CFAP54: variants seen among roughly 807,000 people sequenced by gnomAD.
CFAP54 encodes the protein cilia- and flagella-associated protein 54.
CFAP54 carries 290 observed loss-of-function variants against 370.4 expected under a neutral mutation model. That is an observed-to-expected ratio of 0.78 (90% CI 0.71 to 0.86). CFAP54 has a LOEUF of 0.86. CFAP54 is among the 40% of genes least tolerant of loss of function. The pLI, the probability that CFAP54 is intolerant of heterozygous loss-of-function variation, is 0.00. For missense variants in CFAP54, 3,399 were observed against 3,528.7 expected, an observed-to-expected ratio of 0.96 and a Z score of 0.93; for synonymous variants, 1,206 against 1,236.5, an observed-to-expected ratio of 0.98 and a Z score of 0.52.
rs1292522733 is a variant in CFAP54, at chr12:96,753,942, T to C, written c.7840+44T>C. Reference sequence around the variant, plus strand: ...CAGAACTATGATAAAATTTATGGAATTCTTTTTTCTGTCAACAACAGGATT... The same window carrying C: ...CAGAACTATGATAAAATTTATGGAACTCTTTTTTCTGTCAACAACAGGATT... On this transcript the variant is annotated intron_variant, in intron 56 of 67. Transcript: ENST00000524981. The C allele has an allele frequency of 3.2e-6, 5 of 1,578,480 alleles. No homozygotes were observed. In the Admixed American group the frequency reaches 5.3e-5, roughly 17 times the overall value.
At chr12:96,644,042 A>T (rs1956763091) in intron 32 of CFAP54, 136 bp from the exon 33 acceptor site, 9 of 660,836 alleles carry the variant, frequency 1.4e-5, no homozygotes, top group Non-Finnish European at 2.3e-5. Flanking sequence ...TGCAGAAATG[A>T]TAAATAAGCC....
chr12:96,494,656 G>A (rs917899197), intron 1 of CFAP54, among the ~76,000 whole-genome samples: 5 of 152,110 alleles, frequency 3.3e-5, no homozygotes, highest in Admixed American at 1.3e-4. Context: ...AACAAGAATA[G>A]CAGTGTAGAG....
intron 25 of CFAP54, among the ~76,000 whole-genome samples, chr12:96,598,414 T>A (rs1592872085): frequency 6.6e-6 from 1 of 152,062 alleles, no homozygotes; most frequent in East Asian, 1.9e-4. Context: ...TGTTTTATTT[T>A]ATTCTTTCCA....
intron 19 of CFAP54, among the ~76,000 whole-genome samples, chr12:96,576,357 A>G (rs1592859266): frequency 6.6e-6 from 1 of 151,750 alleles, no homozygotes; most frequent in East Asian, 1.9e-4. Context: ...CATATAAGAT[A>G]CACAAATATA....
At chr12:96,716,312 AT>A (rs1957678134) in intron 48 of CFAP54, among the ~76,000 whole-genome samples, 1 of 152,166 alleles carries the variant, frequency 6.6e-6, no homozygotes, top group Non-Finnish European at 1.5e-5. Context: ...GTTTCTCTTA[AT>A]TCTTTTAGAT....
chr12:96,644,477 A>C, intron 33 of CFAP54, 69 bp downstream of exon 33: 1 of 1,105,222 alleles, frequency 9.0e-7, no homozygotes, highest in South Asian at 1.4e-5. Flanking sequence ...GTATGTTCAG[A>C]GCTCCAATGG....
At chr12:96,635,816 G>A (rs776907045) in intron 32 of CFAP54, among the ~76,000 whole-genome samples, 24 of 152,138 alleles carry the variant, frequency 1.6e-4, no homozygotes, top group Admixed American at 7.2e-4. Context: ...ATGAATAGCC[G>A]CATCAGAAGG....
At position 96,594,396 on chromosome 12, in the gene CFAP54, C is replaced by A; in HGVS notation, c.3466C>A (p.Leu1156Ile). ...ALQAVTQCYG[L>I]LAPIIYHNIV... is the part of the protein sequence containing the mutation. ...TCAAGCTGTGACTCAATGTTATGGA[C>A]TTCTTGCTCCCATAATTTATCACAA... Residue 1156 changes from leucine (L) to isoleucine (I), a missense_variant, in exon 25 of 68, where the codon CTT becomes ATT. Coordinates refer to ENST00000524981, the MANE Select transcript of CFAP54 (RefSeq NM_001306084.2). 6.5e-7 allele frequency: 1 copy of A among 1,534,020 alleles called. No individual in the cohort carries two copies. The highest frequency in any genetic ancestry group is 8.7e-7 in the Non-Finnish European group (1 of 1,145,384).
At chr12:96,635,890 G>A (rs1438302878) in intron 32 of CFAP54, among the ~76,000 whole-genome samples, 1 of 152,110 alleles carries the variant, frequency 6.6e-6, no homozygotes, top group Non-Finnish European at 1.5e-5. Flanking sequence ...TGTGGAGTTG[G>A]GAGCACCACC....
chr12:96,551,156 A>T (rs1023134015), intron 15 of CFAP54, among the ~76,000 whole-genome samples: 14 of 137,676 alleles, frequency 1.0e-4, no homozygotes, highest in African/African-American at 3.9e-4. Context: ...CTGTAGTCCT[A>T]GCTACTTGGG....
At chr12:96,838,089 G>A (rs1455005342) in intron 66 of CFAP54, among the ~76,000 whole-genome samples, 2 of 152,186 alleles carry the variant, frequency 1.3e-5, no homozygotes, top group East Asian at 3.8e-4. Context: ...GAAAGTAATA[G>A]AATATCCTTA....
intron 22 of CFAP54, among the ~76,000 whole-genome samples, chr12:96,587,711 A>G (rs561786894): frequency 2.6e-5 from 4 of 152,366 alleles, no homozygotes; most frequent in South Asian, 2.1e-4. Flanking sequence ...ACAGTTAATT[A>G]TAGTTTCACC....
At position 96,658,297 on chromosome 12, in the gene CFAP54, A is replaced by G. The variant is rs763996153; in HGVS notation, c.5411A>G (p.Asp1804Gly). The change falls in exon 38 of 68, where the codon GAT becomes GGT. Residue 1804 changes from aspartate to glycine, a missense_variant. Physicochemically the swap from Asp to Gly is moderately conservative, Grantham distance 94. Transcript: ENST00000524981. ...LLRIQKFKGP[D>G]ITQQPCARYE... ...AGAATACAGAAGTTCAAGGGCCCAG[A>G]TATTACCCAACAACCTTGTGCAAGG... is the stretch of plus-strand genomic sequence containing the variant. The G allele has an allele frequency of 1.2e-6, 2 of 1,614,080 alleles. No homozygotes were observed. Among genetic ancestry groups the G allele is most frequent in the Non-Finnish European group, 1.7e-6 (2 of 1,180,028 alleles).
At chr12:96,773,390 A>G (rs1298995325) in intron 60 of CFAP54, among the ~76,000 whole-genome samples, 2 of 152,222 alleles carry the variant, frequency 1.3e-5, no homozygotes, top group Non-Finnish European at 2.9e-5. Context: ...ACCCAGTTCC[A>G]CCTCCAAGTC....
At chr12:96,527,058 G>C (rs904447897) in intron 8 of CFAP54, among the ~76,000 whole-genome samples, 188 bp from the exon 9 acceptor site, 23 of 151,814 alleles carry the variant, frequency 1.5e-4, no homozygotes, top group African/African-American at 5.3e-4. Flanking sequence ...AACATGCCTG[G>C]CCAATTCTGA....
chr12:96,591,723 A>G (rs1045425606), intron 23 of CFAP54, among the ~76,000 whole-genome samples: 1 of 151,968 alleles, frequency 6.6e-6, no homozygotes, highest in African/African-American at 2.4e-5. Context: ...CCCCGTCTCT[A>G]CTAAAAATAC....
chr12:96,840,481 T>C (rs1377430934), intron 66 of CFAP54, among the ~76,000 whole-genome samples: 9 of 152,258 alleles, frequency 5.9e-5, no homozygotes, highest in African/African-American at 1.9e-4. Flanking sequence ...ATGGTAGTAA[T>C]GACAGTACTC....
At chr12:96,790,959 A>G (rs530354898) in intron 62 of CFAP54, among the ~76,000 whole-genome samples, 1 of 152,322 alleles carries the variant, frequency 6.6e-6, no homozygotes, top group East Asian at 1.9e-4. Context: ...TCACAGTCAT[A>G]TTATATCTTG....
intron 49 of CFAP54, among the ~76,000 whole-genome samples, chr12:96,719,750 G>A (rs1444770698): frequency 6.6e-6 from 1 of 152,190 alleles, no homozygotes; most frequent in East Asian, 1.9e-4. Flanking sequence ...GTAAACAAGT[G>A]TCCTTTTCAC....
Sources: gnomAD v4.1 joint callset for allele counts (sites outside exome capture counted in the v4.1 genomes callset) on GRCh38, gnomAD v4.1.1 for gene constraint, MANE v1.5 for transcripts, NCBI Gene and HGNC (gene_info 2026-07-23, HGNC 2026-07-21) for gene names.